The following TBC1D5 variants were observed in gnomAD, a reference collection of about 807,000 sequenced individuals.
TBC1D5 encodes TBC1 domain family, member 5.
TBC1D5 carries 75 observed loss-of-function variants against 100.3 expected under a neutral mutation model. That is an observed-to-expected ratio of 0.75 (90% confidence interval 0.62 to 0.91). The LOEUF is 0.91. TBC1D5 is among the 40% of genes least tolerant of loss of function. TBC1D5 has a pLI of 0.00. For missense variants in TBC1D5, 910 were observed against 942.4 expected (o/e 0.97, Z 0.45); for synonymous variants, 323 against 325.6 (o/e 0.99, Z 0.09).
intron 2 of TBC1D5, among the ~76,000 whole-genome samples, chr3:17,546,077 T>C (rs1458435857): frequency 6.6e-6 from 1 of 152,174 alleles, no homozygotes; most frequent in Non-Finnish European, 1.5e-5. Context: ...AACAATATCA[T>C]AAATTATTAA....
chr3:17,351,040 A>T (rs192254021), intron 13 of TBC1D5, among the ~76,000 whole-genome samples: 21 of 152,276 alleles, frequency 1.4e-4, no homozygotes, highest in African/African-American at 5.1e-4. Flanking sequence ...AAATCCTGCT[A>T]TAATTAGGAA....
chr3:17,343,555 C>T (rs1461459960), intron 13 of TBC1D5, among the ~76,000 whole-genome samples: 1 of 145,676 alleles, frequency 6.9e-6, no homozygotes, highest in African/African-American at 2.5e-5. Context: ...CCAGTTCCTC[C>T]TTGTACCTCT....
chr3:17,372,216 A>C (rs1461599133), exon 13 of TBC1D5: 1 of 1,613,528 alleles, frequency 6.2e-7, no homozygotes, highest in Non-Finnish European at 8.5e-7. Flanking sequence ...TGGTCTAGCA[A>C]AGGGAATGGG....
At chr3:17,511,482 AT>A (rs1389186779) in intron 2 of TBC1D5, among the ~76,000 whole-genome samples, 1 of 152,024 alleles carries the variant, frequency 6.6e-6, no homozygotes, top group African/African-American at 2.4e-5. Context: ...TTTAAACTAT[AT>A]AAAAAATAGA....
intron 3 of TBC1D5, among the ~76,000 whole-genome samples, chr3:17,429,785 G>T (rs1049475286): frequency 2.0e-5 from 3 of 151,820 alleles, no homozygotes; most frequent in Non-Finnish European, 4.4e-5. Context: ...CTGACAGATA[G>T]TAAAGAACAC....
intron 1 of TBC1D5, among the ~76,000 whole-genome samples, chr3:17,727,111 A>T (rs1308326163): frequency 1.3e-5 from 2 of 152,284 alleles, no homozygotes; most frequent in African/African-American, 2.4e-5. Context: ...GGCCGGACAC[A>T]GTGGCTCATG....
intron 1 of TBC1D5, among the ~76,000 whole-genome samples, chr3:17,721,459 A>ATATGTG (rs113658401): frequency 2.0e-5 from 3 of 148,946 alleles, no homozygotes; most frequent in African/African-American, 7.4e-5. Flanking sequence ...GTGTGAGAGC[A>ATATGTG]TGTGTGTGTG....
chr3:17,485,874 G>A (rs1403217214), intron 3 of TBC1D5, among the ~76,000 whole-genome samples: 1 of 152,078 alleles, frequency 6.6e-6, no homozygotes, highest in Non-Finnish European at 1.5e-5. Context: ...GGATGGTTGG[G>A]TCAAATGGTA....
intron 8 of TBC1D5, among the ~76,000 whole-genome samples, chr3:17,394,623 C>A (rs2093447095): frequency 6.6e-6 from 1 of 152,014 alleles, no homozygotes; most frequent in Admixed American, 6.6e-5. Context: ...AAGATAATTA[C>A]AATAAAATAT....
intron 2 of TBC1D5, among the ~76,000 whole-genome samples, chr3:17,608,077 C>A (rs1259805225): frequency 6.6e-6 from 1 of 151,914 alleles, no homozygotes. Flanking sequence ...GCCAACATTG[C>A]GAAACCCCGT....
chr3:17,240,126 G>C (rs532462660), intron 16 of TBC1D5, among the ~76,000 whole-genome samples: 6 of 152,220 alleles, frequency 3.9e-5, no homozygotes, highest in Non-Finnish European at 8.8e-5. Context: ...AAACAGAACA[G>C]ATCCATAGTT....
At chr3:17,253,820 A>C (rs1221426788) in intron 16 of TBC1D5, among the ~76,000 whole-genome samples, 1 of 152,122 alleles carries the variant, frequency 6.6e-6, no homozygotes, top group East Asian at 1.9e-4. Context: ...CAGTATGCTT[A>C]ACCCTTGAAC....
At chr3:17,616,440 C>A (rs534835619) in intron 2 of TBC1D5, among the ~76,000 whole-genome samples, 35 of 151,734 alleles carry the variant, frequency 2.3e-4, no homozygotes, top group African/African-American at 6.5e-4. Flanking sequence ...TCCTGGATAT[C>A]TTTGTTAACC....
intron 3 of TBC1D5, among the ~76,000 whole-genome samples, chr3:17,434,229 C>T (rs2094495559): frequency 6.6e-6 from 1 of 152,206 alleles, no homozygotes; most frequent in African/African-American, 2.4e-5. Flanking sequence ...ATGGGGACTC[C>T]AACCCCACAT....
chr3:17,170,366 A>G (rs1200322971), intron 19 of TBC1D5, among the ~76,000 whole-genome samples: 1 of 152,130 alleles, frequency 6.6e-6, no homozygotes, highest in East Asian at 1.9e-4. Context: ...GGACATTTGG[A>G]GGAAGAACAG....
intron 14 of TBC1D5, among the ~76,000 whole-genome samples, chr3:17,293,841 C>T (rs978690102): frequency 6.6e-6 from 1 of 152,178 alleles, no homozygotes; most frequent in African/African-American, 2.4e-5. Flanking sequence ...TGTAGCCAGG[C>T]CACATGCTAA....
intron 14 of TBC1D5, among the ~76,000 whole-genome samples, chr3:17,292,688 A>T (rs973525965): frequency 6.6e-6 from 1 of 152,090 alleles, no homozygotes; most frequent in African/African-American, 2.4e-5. Flanking sequence ...AGGCAGGTCT[A>T]TGTAGACTAC....
At chr3:17,236,433 T>TA (rs950395047) in intron 17 of TBC1D5, among the ~76,000 whole-genome samples, 1 of 152,086 alleles carries the variant, frequency 6.6e-6, no homozygotes, top group South Asian at 2.1e-4. Flanking sequence ...TCTCTTTTTT[T>TA]AAAAAAATGT....
chr3:17,720,774 C>T (rs2075631770), intron 1 of TBC1D5, among the ~76,000 whole-genome samples: 1 of 151,466 alleles, frequency 6.6e-6, no homozygotes, highest in Admixed American at 6.6e-5. Flanking sequence ...GTGATAGCGC[C>T]ACTACCCTGT....
Sources: gnomAD v4.1 joint callset for allele counts (sites outside exome capture counted in the v4.1 genomes callset) on GRCh38, gnomAD v4.1.1 for gene constraint, MANE v1.5 for transcripts, NCBI Gene and HGNC (gene_info 2026-07-23, HGNC 2026-07-21) for gene names.